The following RRM1 variants were observed in gnomAD, a reference collection of about 807,000 sequenced individuals.
RRM1 encodes the protein ribonucleotide reductase catalytic subunit M1.
A neutral mutation model predicts 101.5 loss-of-function variants in RRM1; 19 were observed. That is an observed-to-expected ratio of 0.19 (90% CI 0.13 to 0.27). The LOEUF (loss-of-function observed/expected upper bound fraction) is 0.27, where lower values mean the gene tolerates loss of function less well. Ranked by LOEUF, RRM1 falls within the 10% of genes least tolerant of loss-of-function variation. The pLI, the probability that RRM1 is intolerant of heterozygous loss-of-function variation, is 1.00. For synonymous variants in RRM1, 298 were observed against 323.4 expected (o/e 0.92, Z 0.84); for missense variants, 500 against 962.9 (o/e 0.52, Z 6.36).
At chr11:4,115,670 C>T (rs2094571950) in intron 7 of RRM1, among the ~76,000 whole-genome samples, 1 of 152,232 alleles carries the variant, frequency 6.6e-6, no homozygotes, top group Admixed American at 6.5e-5. Flanking sequence ...AATTCTCCTG[C>T]CTCAGCCTCC....
chr11:4,127,958 C>T (rs937007202), intron 14 of RRM1, among the ~76,000 whole-genome samples: 5 of 152,090 alleles, frequency 3.3e-5, no homozygotes, highest in Non-Finnish European at 5.9e-5. Context: ...GCTGTGATCT[C>T]GTCTGAGACA....
chr11:4,113,781 C>T (rs2094568698), intron 7 of RRM1, among the ~76,000 whole-genome samples: 1 of 152,144 alleles, frequency 6.6e-6, no homozygotes, highest in African/African-American at 2.4e-5. Context: ...TTTGTATTAC[C>T]ATGGTAAGTA....
intron 17 of RRM1, 74 bp from the exon 18 acceptor site, chr11:4,135,008 G>C: frequency 1.8e-6 from 2 of 1,110,502 alleles, no homozygotes; most frequent in Non-Finnish European, 2.6e-6. Flanking sequence ...ATCAAAGCTT[G>C]TGTCACTATT....
intron 2 of RRM1, among the ~76,000 whole-genome samples, chr11:4,103,277 G>A (rs947252270): frequency 6.6e-6 from 1 of 152,166 alleles, no homozygotes; most frequent in Non-Finnish European, 1.5e-5. Flanking sequence ...TATGTATCTT[G>A]AAAATATGTT....
At chr11:4,110,355 G>A (rs1004250570) in intron 5 of RRM1, among the ~76,000 whole-genome samples, 1 of 152,038 alleles carries the variant, frequency 6.6e-6, no homozygotes, top group Non-Finnish European at 1.5e-5. Context: ...GTTTCACCAT[G>A]TTGGCCAGTC....
At chr11:4,102,104 T>G in intron 2 of RRM1, 23 bp downstream of exon 2, 1 of 1,221,122 alleles carries the variant, frequency 8.2e-7, no homozygotes, top group Non-Finnish European at 1.2e-6. Context: ...GGTTTTTATC[T>G]TGGGTTCCTT....
chr11:4,100,670 T>C (rs551902607), intron 1 of RRM1, among the ~76,000 whole-genome samples: 913 of 4,868 alleles, frequency 0.19, 6 homozygotes, highest in African/African-American at 0.26. Context: ...ATACTGTGAT[T>C]TTTTTTTCCC....
chr11:4,112,569 G>A (rs181223662), intron 7 of RRM1, among the ~76,000 whole-genome samples: 237 of 152,240 alleles, frequency 1.6e-3, no homozygotes, highest in African/African-American at 5.5e-3. Flanking sequence ...TCACCATGTT[G>A]GTCAGGCTGG....
chr11:4,104,449 C>T (rs2094555811), intron 2 of RRM1, among the ~76,000 whole-genome samples: 1 of 152,044 alleles, frequency 6.6e-6, no homozygotes, highest in Admixed American at 6.6e-5. Flanking sequence ...ATAAATAAAC[C>T]ACTCACAACT....
At chr11:4,123,425 C>T (rs1308747969) in intron 12 of RRM1, 41 bp downstream of exon 12, 2 of 1,479,168 alleles carry the variant, frequency 1.4e-6, no homozygotes, top group South Asian at 2.3e-5. Flanking sequence ...AAGAAGAGAA[C>T]CTTAGGCAGT....
At chr11:4,123,631 T>A (rs1039082325) in intron 12 of RRM1, among the ~76,000 whole-genome samples, 34 of 152,166 alleles carry the variant, frequency 2.2e-4, no homozygotes, top group African/African-American at 8.0e-4. Flanking sequence ...TGTAATAACA[T>A]TTACTCAAGA....
At chr11:4,123,760 A>T (rs1357414008) in intron 12 of RRM1, among the ~76,000 whole-genome samples, 6 of 152,192 alleles carry the variant, frequency 3.9e-5, no homozygotes, top group Non-Finnish European at 5.9e-5. Flanking sequence ...GTGGGCTGAG[A>T]TTGTGCCACT....
chr11:4,133,541 C>T, intron 16 of RRM1, 22 bp from the exon 17 acceptor site: 2 of 1,454,062 alleles, frequency 1.4e-6, no homozygotes, highest in South Asian at 1.2e-5. Flanking sequence ...TTTCTTCATA[C>T]ATTTTCTGCT....
At position 4,129,061 on chromosome 11, in the gene RRM1, G is replaced by A. The variant is rs72555794; in HGVS notation, c.1693-13G>A. ...ACTTGCTGTAGAATAAATTTGAGTT[G>A]TGTATTCCTTAGATTCTTCAGTATG... On this transcript the variant is annotated splice_polypyrimidine_tract_variant and intron_variant, in intron 14 of 18. Transcript: ENST00000300738. 6.9e-3 allele frequency: 9,648 copies of A among 1,405,348 alleles called. 305 individuals are homozygous for A. The African/African-American group carries it at 0.092, about 13-fold the overall frequency. The allele number at this position is 1,405,348 out of a possible 1,614,324, so 87.1% of individuals were successfully genotyped here. A position where few individuals can be genotyped will look rare whatever the true frequency, so the allele number is the denominator to read the frequency against.
intron 9 of RRM1, 157 bp from the exon 10 acceptor site, chr11:4,121,445 TTA>T (rs761380530): frequency 2.1e-5 from 10 of 475,634 alleles, no homozygotes; most frequent in Admixed American, 2.0e-4. Flanking sequence ...ACTTTTACAA[TTA>T]TATATGGAAA....
At chr11:4,114,934 A>G (rs781166153) in intron 7 of RRM1, among the ~76,000 whole-genome samples, 2 of 152,112 alleles carry the variant, frequency 1.3e-5, no homozygotes, top group African/African-American at 2.4e-5. Flanking sequence ...GCTGATCTCA[A>G]ACTCCTGACC....
At chr11:4,123,034 A>G in intron 11 of RRM1, 149 bp from the exon 12 acceptor site, 3 of 677,768 alleles carry the variant, frequency 4.4e-6, no homozygotes, top group South Asian at 4.4e-5. Context: ...TAGCTAGAGT[A>G]AAATAAATAT....
At chr11:4,099,037 G>T (rs74054321) in intron 1 of RRM1, among the ~76,000 whole-genome samples, 6 of 152,190 alleles carry the variant, frequency 3.9e-5, no homozygotes, top group Admixed American at 2.0e-4. Context: ...GAAAAGGCAC[G>T]CATCCTTGGT....
At chr11:4,122,039 C>T (rs72555786) in intron 10 of RRM1, 102 bp from the exon 11 acceptor site, 635 of 923,360 alleles carry the variant, frequency 6.9e-4, no homozygotes, top group Non-Finnish European at 9.9e-4. Context: ...AGCAAATTTC[C>T]AAGAGAGCTT....
Sources: allele counts gnomAD v4.1 joint callset (sites outside exome capture counted in the v4.1 genomes callset), GRCh38; gene constraint gnomAD v4.1.1; transcripts MANE v1.5; gene names NCBI Gene and HGNC (gene_info 2026-07-23, HGNC 2026-07-21).